The following GFRA2 variants were observed in gnomAD, a reference collection of about 807,000 sequenced individuals.
GFRA2 encodes GDNF family receptor alpha-2.
GFRA2 carries 17 observed loss-of-function variants against 48.3 expected under a neutral mutation model. The ratio of observed to expected loss-of-function variants is 0.35; its 90% confidence interval spans 0.24 to 0.53. The LOEUF is 0.53. Among genes scored for constraint, GFRA2 ranks in the 20% least tolerant of loss-of-function variants. GFRA2 has a pLI of 0.93. For missense variants in GFRA2, 660 were observed against 637.3 expected (o/e 1.04, Z -0.38); for synonymous variants, 305 against 257.2 (o/e 1.19, Z -1.78).
chr8:21,695,456 A>G (rs535707580), intron 7 of GFRA2, among the ~76,000 whole-genome samples: 68 of 152,252 alleles, frequency 4.5e-4, no homozygotes, highest in African/African-American at 1.6e-3. Flanking sequence ...ATCACAGGCA[A>G]TCTACCACCC....
intron 1 of GFRA2, among the ~76,000 whole-genome samples, chr8:21,807,212 G>C (rs902067061): frequency 6.6e-6 from 1 of 152,166 alleles, no homozygotes; most frequent in Non-Finnish European, 1.5e-5. Context: ...CACATGAATG[G>C]ATTAATGTCA....
At chr8:21,721,873 C>T (rs548043216) in intron 4 of GFRA2, among the ~76,000 whole-genome samples, 13 of 152,172 alleles carry the variant, frequency 8.5e-5, no homozygotes, top group African/African-American at 1.7e-4. Context: ...AATATATTCT[C>T]GGAGTCACAG....
chr8:21,696,471 G>A (rs1279060875), intron 7 of GFRA2, among the ~76,000 whole-genome samples: 1 of 152,144 alleles, frequency 6.6e-6, no homozygotes, highest in Non-Finnish European at 1.5e-5. Flanking sequence ...GACAAGAAGG[G>A]CCCCAGGGTG....
Position 21,691,406 on chromosome 8 carries a change from G to T in GFRA2, c.*1872C>A, listed in dbSNP as rs1373026381. Reference sequence around the variant, plus strand: ...TATGGCAGGCCTAGTGTCCAAGTGGGGCCTGGGTAGCAAATGGAGAAACAG... The same window carrying T: ...TATGGCAGGCCTAGTGTCCAAGTGGTGCCTGGGTAGCAAATGGAGAAACAG... On this transcript the variant is annotated 3_prime_UTR_variant, in exon 9 of 9. Coordinates refer to ENST00000524240, the MANE Select transcript of GFRA2 (RefSeq NM_001495.5). 1.3e-5 allele frequency: 2 copies of T among 152,194 alleles called. No homozygotes were observed. Among genetic ancestry groups the T allele is most frequent in the Non-Finnish European group, 2.9e-5 (2 of 68,052 alleles). The allele number at this position is 152,194 out of a possible 1,614,324, so 9.4% of individuals were successfully genotyped here. A position where few individuals can be genotyped will look rare whatever the true frequency, so the allele number is the denominator to read the frequency against.
intron 1 of GFRA2, among the ~76,000 whole-genome samples, chr8:21,810,414 C>T (rs1459854221): frequency 6.6e-6 from 1 of 152,238 alleles, no homozygotes; most frequent in Admixed American, 6.5e-5. Flanking sequence ...TCCTCCCCTC[C>T]TGGACAGAGT....
rs1273181925 is a variant in GFRA2 at position 21,782,886 on chromosome 8, G to A, written c.54C>T (p.Arg18=). ...GCAGGGAGGAAGGGCTGGCCAAAGAGCGGAGGGTCTCGTCTGGGTGGTGGG... is the reference window on the plus strand; with the variant it reads ...GCAGGGAGGAAGGGCTGGCCAAAGAACGGAGGGTCTCGTCTGGGTGGTGGG... ...CLFFFLDETL[R]SLASPSSLQG... The change falls in exon 2 of 9, where the codon CGC becomes CGT. Residue 18 remains arginine, a synonymous_variant. Transcript: ENST00000524240. 1.9e-6 allele frequency: 3 copies of A among 1,558,318 alleles called. No individual in the cohort carries two copies. Among genetic ancestry groups the A allele is most frequent in the Non-Finnish European group, 2.6e-6 (3 of 1,159,304 alleles).
chr8:21,694,055 TTA>T (rs112398044), intron 8 of GFRA2, among the ~76,000 whole-genome samples: 972 of 77,480 alleles, frequency 0.013, 46 homozygotes, highest in African/African-American at 0.045. Context: ...ATATATATAT[TTA>T]TATATATATT....
chr8:21,706,449 A>G (rs1802752681), intron 4 of GFRA2: 1 of 460,334 alleles, frequency 2.2e-6, no homozygotes, highest in African/African-American at 2.0e-5. Flanking sequence ...CAAGTCCTTC[A>G]ACCCGGCACT....
At chr8:21,712,158 G>A (rs556665623) in intron 4 of GFRA2, among the ~76,000 whole-genome samples, 11 of 152,046 alleles carry the variant, frequency 7.2e-5, no homozygotes, top group East Asian at 1.9e-4. Flanking sequence ...CCACAAAACC[G>A]CCATTGTCAT....
rs1241362655 is a variant in GFRA2 at position 21,750,981 on chromosome 8, A to G, written c.440-39T>C. On this transcript the variant is annotated intron_variant, in intron 3 of 8. Coordinates refer to ENST00000524240, the MANE Select transcript of GFRA2 (RefSeq NM_001495.5). The surrounding 1 kb of genome is among the most constrained non-coding windows in gnomAD (Gnocchi z 5.7). ...AAGAGAGCAGGTCAGAGGCCACACA[A>G]GCATGAGGAGGACACAGCTGCCCCC... is the stretch of plus-strand genomic sequence containing the variant. 1 of 1,373,916 alleles carries G rather than the reference A, an allele frequency of 7.3e-7. No homozygotes were observed. The highest frequency in any genetic ancestry group is 1.0e-6 in the Non-Finnish European group (1 of 980,436). The allele number at this position is 1,373,916 out of a possible 1,614,324, so 85.1% of individuals were successfully genotyped here.
intron 4 of GFRA2, among the ~76,000 whole-genome samples, chr8:21,737,020 C>T (rs1286387839): frequency 6.6e-6 from 1 of 151,988 alleles, no homozygotes; most frequent in Non-Finnish European, 1.5e-5. Flanking sequence ...TACACATGCT[C>T]AGAAGGGACC....
intron 4 of GFRA2, among the ~76,000 whole-genome samples, chr8:21,715,280 C>A (rs1478281911): frequency 2.6e-5 from 4 of 152,144 alleles, no homozygotes; most frequent in Non-Finnish European, 5.9e-5. Context: ...AAGAGGACTT[C>A]CTCGTTGGGC....
At chr8:21,792,860 T>C (rs1807600037), upstream of GFRA2, among the ~76,000 whole-genome samples, 1 of 151,692 alleles carries the variant, frequency 6.6e-6, no homozygotes, top group Non-Finnish European at 1.5e-5. Context: ...AGGTCGGGAG[T>C]TCCAGACCAG....
chr8:21,736,412 A>G (rs1052960541), intron 4 of GFRA2, among the ~76,000 whole-genome samples: 16 of 152,216 alleles, frequency 1.1e-4, no homozygotes, highest in Non-Finnish European at 2.1e-4. Context: ...ACATTCTCCA[A>G]AATGTTAGCC....
intron 1 of GFRA2, 70 bp downstream of exon 1, chr8:21,788,050 G>GCCCCCCC: frequency 2.0e-6 from 1 of 494,646 alleles, no homozygotes; most frequent in Non-Finnish European, 3.3e-6. Context: ...CCCCCCACCG[G>GCCCCCCC]CGCTCCGCTC....
rs1307148717 is a variant in GFRA2, at chr8:21,691,639, G to C, written c.*1639C>G. The C allele has an allele frequency of 6.6e-6, 1 of 152,256 alleles. No individual in the cohort carries two copies. The highest frequency in any genetic ancestry group is 1.5e-5 in the Non-Finnish European group (1 of 68,100). The allele number at this position is 152,256 out of a possible 1,614,324, so 9.4% of individuals were successfully genotyped here. ...ACTAACAGGGCCACCCAGACAGCCTGACAATAAAACATTCCCAACGTGTGA... is the reference window on the plus strand; with the variant it reads ...ACTAACAGGGCCACCCAGACAGCCTCACAATAAAACATTCCCAACGTGTGA... On this transcript the variant is annotated 3_prime_UTR_variant, in exon 9 of 9. Coordinates refer to ENST00000524240, the MANE Select transcript of GFRA2 (RefSeq NM_001495.5).
At chr8:21,696,142 GTCCCCTCTCCCTC>G (rs1802160549) in intron 7 of GFRA2, among the ~76,000 whole-genome samples, 1 of 5,678 alleles carries the variant, frequency 1.8e-4, no homozygotes, top group Non-Finnish European at 3.5e-4. Context: ...CTCTCCCTCT[GTCCCCTCTCCCTC>G]TGTCCCCTTT....
At chr8:21,739,961 G>C (rs899771297) in intron 4 of GFRA2, among the ~76,000 whole-genome samples, 1 of 152,234 alleles carries the variant, frequency 6.6e-6, no homozygotes, top group Non-Finnish European at 1.5e-5. Flanking sequence ...GCCATAGCAG[G>C]AGAAGCTGAG....
chr8:21,767,010 C>T (rs1806193972), intron 3 of GFRA2, among the ~76,000 whole-genome samples: 1 of 127,892 alleles, frequency 7.8e-6, no homozygotes, highest in African/African-American at 2.9e-5. Context: ...CTACATACAC[C>T]AGCACATATA....
Sources: gnomAD v4.1 joint callset for allele counts (sites outside exome capture counted in the v4.1 genomes callset) on GRCh38, gnomAD v4.1.1 for gene constraint, Gnocchi (gnomAD v3.1) non-coding constraint, MANE v1.5 for transcripts, NCBI Gene and HGNC (gene_info 2026-07-23, HGNC 2026-07-21) for gene names.